HPSE2: variants seen among roughly 807,000 people sequenced by gnomAD.
HPSE2 encodes heparanase 2 (inactive), also known as inactive heparanase-2.
Under a neutral mutation model 60.5 loss-of-function variants are expected in HPSE2, and 38 were observed. The ratio of observed to expected loss-of-function variants is 0.63; its 90% CI spans 0.48 to 0.82. The LOEUF is 0.82. HPSE2 is among the 40% of genes least tolerant of loss of function. HPSE2 has a pLI of 0.00. For missense variants in HPSE2, 713 were observed against 740.4 expected (o/e 0.96, Z 0.43); for synonymous variants, 295 against 293.2 (o/e 1.01, Z -0.06).
At chr10:99,265,316 G>A in the HPSE2 span, among the ~76,000 whole-genome samples, 3 of 152,196 alleles carry the variant, frequency 2.0e-5, no homozygotes, top group African/African-American at 7.2e-5. Context: ...CTGCACCCAG[G>A]TGAAATATAC....
chr10:98,757,368 A>G (rs756872757), intron 3 of HPSE2, among the ~76,000 whole-genome samples: 3 of 152,046 alleles, frequency 2.0e-5, no homozygotes, highest in Non-Finnish European at 2.9e-5. Context: ...ATGCATCTAA[A>G]TAAGAAGTGA....
intron 3 of HPSE2, among the ~76,000 whole-genome samples, chr10:98,947,272 T>C: frequency 6.6e-6 from 1 of 152,146 alleles, no homozygotes; most frequent in Non-Finnish European, 1.5e-5. Context: ...ATATTGAAAA[T>C]GCAGCTTTTA....
In HPSE2 at chr10:98,778,277, A is replaced by AGAGAGAGAGAGAGAGT. The variant is rs967425945; in HGVS notation, c.611-34222_611-34221insACTCTCTCTCTCTCTC. Reference sequence around the variant, plus strand: ...GTGAGAGAGAGACAGAGAGAGAGAGAGAGAGAGAGAGAGAGAGAGAAAGCA... The same window carrying AGAGAGAGAGAGAGAGT: ...GTGAGAGAGAGACAGAGAGAGAGAGAGAGAGAGAGAGAGAGTGAGAGAGAGAGAGAGAGAGAAAGCA... On this transcript the variant is annotated intron_variant, in intron 3 of 11. Coordinates refer to ENST00000370552, the MANE Select transcript of HPSE2 (RefSeq NM_021828.5). Among the ~76,000 whole-genome samples, 508 of 150,350 alleles carry AGAGAGAGAGAGAGAGT rather than the reference A, an allele frequency of 3.4e-3. 8 individuals are homozygous for AGAGAGAGAGAGAGAGT. Among genetic ancestry groups the AGAGAGAGAGAGAGAGT allele is most frequent in the African/African-American group, 0.012 (488 of 40,896 alleles).
At chr10:98,676,039 A>C (rs201184474) in intron 6 of HPSE2, among the ~76,000 whole-genome samples, 14 of 108,776 alleles carry the variant, frequency 1.3e-4, no homozygotes, top group Non-Finnish European at 2.8e-4. Context: ...TGCCTCAAAG[A>C]AAAAAAAAAA....
At chr10:98,615,432 C>T (rs968465612) in intron 8 of HPSE2, among the ~76,000 whole-genome samples, 5 of 152,174 alleles carry the variant, frequency 3.3e-5, no homozygotes, top group African/African-American at 4.8e-5. Context: ...CCTGCTTATA[C>T]CCTGTCCCTG....
At chr10:98,947,120 T>G (rs1955209356) in intron 3 of HPSE2, among the ~76,000 whole-genome samples, 1 of 152,100 alleles carries the variant, frequency 6.6e-6, no homozygotes, top group Non-Finnish European at 1.5e-5. Flanking sequence ...AGCTGTGATG[T>G]GATGCCCACC....
intron 3 of HPSE2, among the ~76,000 whole-genome samples, chr10:99,104,922 G>C (rs560452112): frequency 1.4e-4 from 21 of 152,080 alleles, no homozygotes; most frequent in Non-Finnish European, 2.8e-4. Flanking sequence ...TGGGGTCGGG[G>C]GAGAGGGGAG....
chr10:98,765,377 T>C (rs771464653), intron 3 of HPSE2, among the ~76,000 whole-genome samples: 5 of 151,960 alleles, frequency 3.3e-5, no homozygotes, highest in Non-Finnish European at 5.9e-5. Context: ...CTCCCAAATA[T>C]TGGGAAATTA....
At chr10:98,660,729 G>A (rs1947200082) in intron 6 of HPSE2, among the ~76,000 whole-genome samples, 1 of 152,100 alleles carries the variant, frequency 6.6e-6, no homozygotes, top group Admixed American at 6.5e-5. Flanking sequence ...TTTCCTTTAT[G>A]AGGGATGGGG....
rs533225872 is a variant in HPSE2, at chr10:98,963,764, C to T, written c.610+180474G>A. Among the ~76,000 whole-genome samples, 13 of 152,158 alleles carry T rather than the reference C, an allele frequency of 8.5e-5. No individual in the cohort carries two copies. In the South Asian group the frequency reaches 2.7e-3, roughly 32 times the overall value. On this transcript the variant is annotated intron_variant, in intron 3 of 11. Transcript: ENST00000370552. Reference sequence around the variant, plus strand: ...TCAGAATGTTTCTCTAAGTGAAGAACATCAATGGTGGGCATTTCCAATTGA... The same window carrying T: ...TCAGAATGTTTCTCTAAGTGAAGAATATCAATGGTGGGCATTTCCAATTGA...
intron 6 of HPSE2, among the ~76,000 whole-genome samples, chr10:98,689,459 C>T (rs1389281853): frequency 3.3e-5 from 5 of 152,120 alleles, no homozygotes; most frequent in African/African-American, 4.8e-5. Context: ...GTTTCCATTT[C>T]ACTGCTGATA....
intron 3 of HPSE2, among the ~76,000 whole-genome samples, chr10:99,117,236 A>G (rs1305579335): frequency 6.6e-6 from 1 of 151,074 alleles, no homozygotes; most frequent in African/African-American, 2.4e-5. Flanking sequence ...AAATAAGTAG[A>G]TAATTCACAG....
intron 9 of HPSE2, among the ~76,000 whole-genome samples, chr10:98,564,395 T>C (rs1444132748): frequency 2.6e-5 from 4 of 152,230 alleles, no homozygotes; most frequent in Non-Finnish European, 2.9e-5. Flanking sequence ...AGTGTGGTAG[T>C]ATTTGCAGAG....
intron 9 of HPSE2, among the ~76,000 whole-genome samples, chr10:98,520,507 G>A (rs187752711): frequency 3.3e-5 from 5 of 152,262 alleles, no homozygotes; most frequent in East Asian, 1.9e-4. Context: ...CACTAAACCC[G>A]TGGGGACAGC....
chr10:98,969,538 C>CT (rs1442761041), intron 3 of HPSE2, among the ~76,000 whole-genome samples: 4 of 152,086 alleles, frequency 2.6e-5, no homozygotes, highest in Non-Finnish European at 5.9e-5. Flanking sequence ...CTTCATGTTT[C>CT]TTTTTTTATC....
chr10:98,467,843 G>A (rs994532351), intron 11 of HPSE2, among the ~76,000 whole-genome samples: 3 of 152,264 alleles, frequency 2.0e-5, no homozygotes, highest in Non-Finnish European at 4.4e-5. Context: ...CTGGAATGTG[G>A]CCTAATATTA....
chr10:98,797,753 A>G (rs1950811128), intron 3 of HPSE2, among the ~76,000 whole-genome samples: 2 of 152,096 alleles, frequency 1.3e-5, no homozygotes, highest in African/African-American at 2.4e-5. Context: ...CTGAGGCAGA[A>G]GAATGGCATG....
At chr10:99,185,989 A>G (rs1210653362) in intron 2 of HPSE2, among the ~76,000 whole-genome samples, 3 of 152,058 alleles carry the variant, frequency 2.0e-5, no homozygotes, top group Non-Finnish European at 4.4e-5. Context: ...TAAAAGGCAA[A>G]GAGAGAAAGA....
At chr10:98,497,331 TCA>T (rs1232563612) in intron 9 of HPSE2, among the ~76,000 whole-genome samples, 3 of 152,184 alleles carry the variant, frequency 2.0e-5, no homozygotes, top group Non-Finnish European at 2.9e-5. Context: ...TCACTTAAAG[TCA>T]CAGTTTCTAA....
Sources: gnomAD v4.1 joint callset for allele counts (sites outside exome capture counted in the v4.1 genomes callset) on GRCh38, gnomAD v4.1.1 for gene constraint, MANE v1.5 for transcripts, NCBI Gene and HGNC (gene_info 2026-07-23, HGNC 2026-07-21) for gene names.